CFTR: variants seen among roughly 807,000 people sequenced by gnomAD.
The protein encoded by CFTR is CF transmembrane conductance regulator, also known as cystic fibrosis transmembrane conductance regulator.
In CFTR, 181 loss-of-function variants were observed where a neutral mutation model predicts 171.6. The observed-to-expected ratio is 1.05, with a 90% CI of 0.93 to 1.19. CFTR has a LOEUF of 1.19. CFTR is among the 50% of genes most tolerant of loss of function. The pLI, the probability that CFTR is intolerant of heterozygous loss-of-function variation, is 0.00. For synonymous variants in CFTR, 583 were observed against 608.0 expected, an observed-to-expected ratio of 0.96 and a Z score of 0.60; for missense variants, 1,968 against 1,734.7, an observed-to-expected ratio of 1.13 and a Z score of -2.39.
At chr7:117,552,809 T>C (rs1364539943) in intron 10 of CFTR, among the ~76,000 whole-genome samples, 3 of 152,178 alleles carry the variant, frequency 2.0e-5, no homozygotes, top group Non-Finnish European at 4.4e-5. Context: ...TGGACAACTT[T>C]CCATATTCAA....
chr7:117,507,219 GT>G (rs1280909468), intron 2 of CFTR, among the ~76,000 whole-genome samples: 1 of 152,126 alleles, frequency 6.6e-6, no homozygotes, highest in Admixed American at 6.6e-5. Flanking sequence ...AGTTGTTCAA[GT>G]TTCACCCATT....
At chr7:117,601,867 TA>T (rs550292125) in intron 15 of CFTR, among the ~76,000 whole-genome samples, 1 of 152,238 alleles carries the variant, frequency 6.6e-6, no homozygotes, top group African/African-American at 2.4e-5. Flanking sequence ...CACAGTTGTT[TA>T]AAAAGGTTTT....
intron 1 of CFTR, among the ~76,000 whole-genome samples, chr7:117,502,422 G>A (rs17132549): frequency 0.015 from 2,242 of 152,306 alleles, 56 homozygotes; most frequent in African/African-American, 0.051. Context: ...ACTTTGGAAA[G>A]CGCTAAATAC....
intron 17 of CFTR, among the ~76,000 whole-genome samples, chr7:117,604,613 A>G (rs1008809290): frequency 3.3e-5 from 5 of 152,234 alleles, no homozygotes; most frequent in African/African-American, 1.2e-4. Context: ...TAAAAAACTC[A>G]AGATAAGAAA....
intron 2 of CFTR, among the ~76,000 whole-genome samples, chr7:117,505,125 G>C (rs973733876): frequency 6.6e-6 from 1 of 152,170 alleles, no homozygotes; most frequent in Non-Finnish European, 1.5e-5. Flanking sequence ...GCCACTCTGA[G>C]TGGAAAGCAT....
At chr7:117,545,235 G>A (rs116274576) in intron 9 of CFTR, among the ~76,000 whole-genome samples, 240 of 152,270 alleles carry the variant, frequency 1.6e-3, no homozygotes, top group African/African-American at 5.6e-3. Context: ...ACGAGAATAG[G>A]ATGGGCAAGA....
Position 117,531,030 on chromosome 7 carries a change from A to G in CFTR, c.405A>G (p.Thr135=), listed in dbSNP as rs772733538. ...TATGCCTTCTCTTTATTGTGAGGACACTGCTCCTACACCCAGCCATTTTTG... is the reference window on the plus strand; with the variant it reads ...TATGCCTTCTCTTTATTGTGAGGACGCTGCTCCTACACCCAGCCATTTTTG... ...IGLCLLFIVR[T]LLLHPAIFGL... Residue 135 remains threonine (T), a synonymous_variant, in exon 4 of 27, where the codon ACA becomes ACG. Transcript: ENST00000003084. The G allele has an allele frequency of 1.2e-6, 2 of 1,613,778 alleles. No homozygotes were observed. Among genetic ancestry groups the G allele is most frequent in the Non-Finnish European group, 1.7e-6 (2 of 1,179,850 alleles).
intron 1 of CFTR, among the ~76,000 whole-genome samples, chr7:117,495,832 G>A (rs760077327): frequency 2.6e-5 from 4 of 152,162 alleles, no homozygotes; most frequent in African/African-American, 4.8e-5. Context: ...AACACTGACA[G>A]TTGATTTCTG....
intron 11 of CFTR, among the ~76,000 whole-genome samples, chr7:117,579,583 A>G (rs1295452724): frequency 6.6e-6 from 1 of 151,582 alleles, no homozygotes; most frequent in Admixed American, 6.6e-5. Context: ...AGTATTGTTA[A>G]TATTTGTTAT....
At chr7:117,548,604 TGA>T (rs1799206486) in intron 9 of CFTR, 35 bp from the exon 10 acceptor site, 2 of 1,549,708 alleles carry the variant, frequency 1.3e-6, no homozygotes, top group African/African-American at 1.7e-5. Context: ...CTTTTATTTT[TGA>T]TGTGTGTGTG....
chr7:117,540,127 A>C lies in CFTR; in HGVS notation c.897A>C (p.Ala299=). 1 of 1,613,378 alleles carries C rather than the reference A, an allele frequency of 6.2e-7. No individual in the cohort carries two copies. Among genetic ancestry groups the C allele is most frequent in the Non-Finnish European group, 8.5e-7 (1 of 1,179,352 alleles). Residue 299 remains alanine, a synonymous_variant, in exon 8 of 27, where the codon GCA becomes GCC. Transcript: ENST00000003084. ...CAGAACTGAAACTGACTCGGAAGGC[A>C]GCCTATGTGAGATACTTCAATAGCT... The part of the protein sequence containing the change: ...RQTELKLTRK[A]AYVRYFNSSA...
intron 6 of CFTR, among the ~76,000 whole-genome samples, chr7:117,535,797 G>T (rs554463755): frequency 2.0e-5 from 3 of 152,078 alleles, no homozygotes; most frequent in African/African-American, 7.2e-5. Context: ...GCCTCCCAAA[G>T]TACTGATATT....
rs1060504847 is a variant in CFTR, at chr7:117,614,603, G to A, written c.3368-10G>A. The A allele has an allele frequency of 3.4e-5, 53 of 1,566,568 alleles. No homozygotes were observed. The highest frequency in any genetic ancestry group is 4.7e-5 in the Non-Finnish European group (53 of 1,137,236). ...CATGAGGTTCATTTACGTCTTTTGT[G>A]CATCTATAGGAGAAGGAGAAGGAAG... On this transcript the variant is annotated splice_polypyrimidine_tract_variant and intron_variant, in intron 20 of 26. Coordinates refer to ENST00000003084, the MANE Select transcript of CFTR (RefSeq NM_000492.4).
intron 3 of CFTR, among the ~76,000 whole-genome samples, chr7:117,511,482 G>A (rs1005551102): frequency 2.0e-5 from 3 of 152,176 alleles, no homozygotes; most frequent in African/African-American, 4.8e-5. Flanking sequence ...TCCTGAGCCC[G>A]AGGCTACAGC....
At chr7:117,611,830 T>C (rs780662591) in intron 20 of CFTR, 22 bp downstream of exon 20, 8 of 1,547,842 alleles carry the variant, frequency 5.2e-6, no homozygotes, top group South Asian at 3.4e-5. Flanking sequence ...TCATTAACTT[T>C]AGCTAAGCAT....
chr7:117,536,901 T>C (rs1798968509), intron 7 of CFTR, among the ~76,000 whole-genome samples: 1 of 152,218 alleles, frequency 6.6e-6, no homozygotes, highest in Admixed American at 6.5e-5. Flanking sequence ...TATATTATAC[T>C]GATACGTTAT....
At chr7:117,585,166 C>A (rs1470173258) in intron 11 of CFTR, among the ~76,000 whole-genome samples, 1 of 151,756 alleles carries the variant, frequency 6.6e-6, no homozygotes, top group East Asian at 1.9e-4. Context: ...ACAATTTTTG[C>A]TTCTCCAATT....
intron 15 of CFTR, among the ~76,000 whole-genome samples, chr7:117,599,628 T>G (rs983993950): frequency 1.3e-5 from 2 of 152,158 alleles, no homozygotes; most frequent in Non-Finnish European, 2.9e-5. Context: ...GCCAGTATCC[T>G]CTAGACCTTG....
intron 19 of CFTR, among the ~76,000 whole-genome samples, chr7:117,611,232 C>A (rs1197255875): frequency 6.6e-6 from 1 of 151,992 alleles, no homozygotes; most frequent in Non-Finnish European, 1.5e-5. Flanking sequence ...CATAAACTTC[C>A]TTAATTTAGA....
Sources: gnomAD v4.1 joint callset for allele counts (sites outside exome capture counted in the v4.1 genomes callset) on GRCh38, gnomAD v4.1.1 for gene constraint, MANE v1.5 for transcripts, NCBI Gene and HGNC (gene_info 2026-07-23, HGNC 2026-07-21) for gene names.